The following INIP variants were observed in gnomAD, a reference collection of about 807,000 sequenced individuals.
INIP encodes the protein SOSS complex subunit C.
A neutral mutation model predicts 14.0 loss-of-function variants in INIP; 9 were observed. The ratio of observed to expected loss-of-function variants is 0.64; its 90% CI spans 0.39 to 1.12. The LOEUF (loss-of-function observed/expected upper bound fraction) is 1.12, where lower values mean the gene tolerates loss of function less well. INIP is among the 50% of genes most tolerant of loss of function. The probability of loss-of-function intolerance (pLI) is 0.01; values close to 1 mark genes in which losing one functional copy is unlikely to be tolerated. For missense variants in INIP, 78 were observed against 122.7 expected, an observed-to-expected ratio of 0.64 and a Z score of 1.72; for synonymous variants, 37 against 41.5, an observed-to-expected ratio of 0.89 and a Z score of 0.41.
intron 2 of INIP, among the ~76,000 whole-genome samples, chr9:112,716,233 C>G (rs1307018349): frequency 6.6e-6 from 1 of 152,044 alleles, no homozygotes; most frequent in African/African-American, 2.4e-5. Context: ...CCACCATGCC[C>G]AGCTAATTTT....
At chr9:112,702,959 T>G (rs1838347726) in intron 2 of INIP, among the ~76,000 whole-genome samples, 1 of 152,242 alleles carries the variant, frequency 6.6e-6, no homozygotes, top group Non-Finnish European at 1.5e-5. Context: ...GATTCAATAT[T>G]GTTTGTATGA....
rs905572227 is a variant in INIP at position 112,690,472 on chromosome 9, C to CA, written c.129-856dup. Among the ~76,000 whole-genome samples the CA allele has an allele frequency of 1.5e-3, 222 of 151,740 alleles. 1 individual carries two copies. Among genetic ancestry groups the CA allele is most frequent in the African/African-American group, 5.1e-3 (211 of 41,388 alleles). On this transcript the variant is annotated intron_variant, in intron 3 of 4. Coordinates refer to ENST00000374242, the MANE Select transcript of INIP (RefSeq NM_021218.3). ...TGGGTGACAGAGTGAGACCCTGTCT[C>CA]AAAAAAAAGAACTATCATCCTGTAG...
intron 2 of INIP, among the ~76,000 whole-genome samples, chr9:112,697,108 C>T (rs1326588999): frequency 1.3e-5 from 2 of 152,208 alleles, no homozygotes; most frequent in African/African-American, 4.8e-5. Context: ...TGGCAACCAG[C>T]CTCCATCCAG....
intron 4 of INIP, among the ~76,000 whole-genome samples, chr9:112,689,209 A>G (rs1388004947): frequency 6.6e-6 from 1 of 152,206 alleles, no homozygotes; most frequent in East Asian, 1.9e-4. Context: ...AAAAAAATGC[A>G]TGTACTATTT....
rs147343294 is a variant in INIP at position 112,711,715 on chromosome 9, G to T, written c.25+4746C>A. On this transcript the variant is annotated intron_variant, in intron 2 of 4. Coordinates refer to ENST00000374242, the MANE Select transcript of INIP (RefSeq NM_021218.3). ...GATTAGTCCACAGAGCACACAAATC[G>T]CACATGGCTATGTGAGAGGAGAACA... Among the ~76,000 whole-genome samples the T allele has an allele frequency of 2.5e-3, 376 of 152,274 alleles. 6 individuals carry two copies. The highest frequency in any genetic ancestry group is 8.7e-3 in the African/African-American group (362 of 41,540).
At position 112,688,740 on chromosome 9, in the gene INIP, G is replaced by A. The variant is rs148339296; in HGVS notation, c.219+787C>T. Among the ~76,000 whole-genome samples, 375 of 152,220 alleles carry A rather than the reference G, an allele frequency of 2.5e-3. 2 individuals carry two copies. Among genetic ancestry groups the A allele is most frequent in the African/African-American group, 8.6e-3 (359 of 41,508 alleles). On this transcript the variant is annotated intron_variant, in intron 4 of 4. Transcript: ENST00000374242. ...TGCCTGTAGTCCCAGCTACTTAGGA[G>A]CCTGAGGCAAGAAGATTACTTGAAC...
At chr9:112,696,400 C>G (rs1838098256) in intron 2 of INIP, among the ~76,000 whole-genome samples, 1 of 152,142 alleles carries the variant, frequency 6.6e-6, no homozygotes, top group African/African-American at 2.4e-5. Context: ...GTCTTCTACT[C>G]AAGGAAAGAT....
In INIP at chr9:112,684,126, A is replaced by T. The variant is rs979639666; in HGVS notation, c.*3412T>A. The T allele has an allele frequency of 6.6e-6, 1 of 152,242 alleles. No individual in the cohort carries two copies. Among genetic ancestry groups the T allele is most frequent in the African/African-American group, 2.4e-5 (1 of 41,468 alleles). The allele number at this position is 152,242 out of a possible 1,614,324, so 9.4% of individuals were successfully genotyped here. On this transcript the variant is annotated 3_prime_UTR_variant, in exon 5 of 5. Coordinates refer to ENST00000374242, the MANE Select transcript of INIP (RefSeq NM_021218.3). ...ACCTACTATATGCCAAATATATTTT[A>T]TGTGGAATACAGTAGTGAACGAAGT...
intron 2 of INIP, among the ~76,000 whole-genome samples, chr9:112,715,833 ATTTTTAATTT>A: frequency 1.3e-5 from 2 of 151,990 alleles, no homozygotes; most frequent in South Asian, 4.1e-4. Context: ...TATTTTTAAA[ATTTTTAATTT>A]TTTTTACTTT....
At chr9:112,693,438 C>A (rs1339147911) in intron 3 of INIP, among the ~76,000 whole-genome samples, 1 of 152,178 alleles carries the variant, frequency 6.6e-6, no homozygotes, top group Non-Finnish European at 1.5e-5. Context: ...TTTACCTTCT[C>A]AGTTTCCCAC....
At chr9:112,702,627 C>T (rs939184094) in intron 2 of INIP, among the ~76,000 whole-genome samples, 4 of 152,106 alleles carry the variant, frequency 2.6e-5, no homozygotes, top group African/African-American at 9.7e-5. Context: ...TGCAGTGGCA[C>T]GATCTCAGCT....
intron 2 of INIP, among the ~76,000 whole-genome samples, chr9:112,697,812 G>A (rs759501095): frequency 3.9e-5 from 6 of 152,118 alleles, no homozygotes; most frequent in Non-Finnish European, 7.4e-5. Flanking sequence ...TCTCAATTTA[G>A]GATTCAGTAA....
chr9:112,685,840 C>T lies in INIP; in HGVS notation c.*1698G>A, dbSNP rs541619508. ...TGCGCCGCAGAAGTAAGGCTATCCT[C>T]GCTGCAATGGTGACCATTACAATGG... is the stretch of plus-strand genomic sequence containing the variant. On this transcript the variant is annotated 3_prime_UTR_variant, in exon 5 of 5. Coordinates refer to ENST00000374242, the MANE Select transcript of INIP (RefSeq NM_021218.3). The T allele has an allele frequency of 5.9e-5, 9 of 152,256 alleles. No individual in the cohort carries two copies. Among genetic ancestry groups the T allele is most frequent in the East Asian group, 1.9e-4 (1 of 5,182 alleles). The allele number at this position is 152,256 out of a possible 1,614,324, so 9.4% of individuals were successfully genotyped here. A position where few individuals can be genotyped will look rare whatever the true frequency, so the allele number is the denominator to read the frequency against.
At chr9:112,687,921 TA>T (rs1172748396) in intron 4 of INIP, among the ~76,000 whole-genome samples, 3 of 151,788 alleles carry the variant, frequency 2.0e-5, no homozygotes, top group Admixed American at 1.3e-4. Flanking sequence ...CCGTCTCTAC[TA>T]AAAATACAAA....
intron 3 of INIP, 50 bp downstream of exon 3, chr9:112,694,081 A>T (rs1837992293): frequency 1.1e-5 from 14 of 1,275,136 alleles, no homozygotes; most frequent in African/African-American, 1.5e-5. Context: ...TCTCAAAACA[A>T]AACAAAACAA....
intron 2 of INIP, among the ~76,000 whole-genome samples, chr9:112,704,444 A>T (rs1216572172): frequency 6.6e-6 from 1 of 152,238 alleles, no homozygotes; most frequent in African/African-American, 2.4e-5. Flanking sequence ...CACACAAAAA[A>T]TAAAGAATAT....
chr9:112,690,219 G>A (rs778790549), intron 3 of INIP, among the ~76,000 whole-genome samples: 5 of 152,194 alleles, frequency 3.3e-5, no homozygotes, highest in Non-Finnish European at 5.9e-5. Flanking sequence ...GGCCAGGCGT[G>A]GTGGCTCATG....
chr9:112,697,969 TA>T (rs1838149779), intron 2 of INIP, among the ~76,000 whole-genome samples: 1 of 152,154 alleles, frequency 6.6e-6, no homozygotes, highest in Admixed American at 6.5e-5. Flanking sequence ...GCAGTTTGCT[TA>T]AAGTATCCCA....
intron 2 of INIP, among the ~76,000 whole-genome samples, chr9:112,697,922 T>C (rs368734014): frequency 1.3e-5 from 2 of 152,238 alleles, no homozygotes; most frequent in South Asian, 4.1e-4. Flanking sequence ...TCATTACCTA[T>C]GGAAATCCTT....
Sources: allele counts gnomAD v4.1 joint callset (sites outside exome capture counted in the v4.1 genomes callset), GRCh38; gene constraint gnomAD v4.1.1; transcripts MANE v1.5; gene names NCBI Gene and HGNC (gene_info 2026-07-23, HGNC 2026-07-21).